The following SLC8B1 variants were observed in gnomAD, a reference collection of about 807,000 sequenced individuals.
SLC8B1 encodes the protein mitochondrial sodium/calcium exchanger protein.
SLC8B1 carries 52 observed loss-of-function variants against 63.4 expected under a neutral mutation model. The observed-to-expected ratio is 0.82, with a 90% CI of 0.66 to 1.03. The LOEUF (loss-of-function observed/expected upper bound fraction) is 1.03, where lower values mean the gene tolerates loss of function less well. SLC8B1 is among the 50% of genes least tolerant of loss of function. The pLI, the probability that SLC8B1 is intolerant of heterozygous loss-of-function variation, is 0.00. For missense variants in SLC8B1, 657 were observed against 741.7 expected (o/e 0.89, Z 1.33); for synonymous variants, 336 against 323.9 (o/e 1.04, Z -0.40).
At chr12:113,303,009 GC>G (rs1566222234) in intron 15 of SLC8B1, among the ~76,000 whole-genome samples, 1 of 148,350 alleles carries the variant, frequency 6.7e-6, no homozygotes, top group African/African-American at 2.5e-5. Flanking sequence ...AGACACACGC[GC>G]ACACACACAC....
chr12:113,332,547 G>C lies in SLC8B1; in HGVS notation c.156+176C>G, dbSNP rs574154866. Reference sequence around the variant, plus strand: ...CCCAAAGTGTATAAGTTTACTTCTTGATCTGTCTGTTCAGGAGACTGTCAG... The same window carrying C: ...CCCAAAGTGTATAAGTTTACTTCTTCATCTGTCTGTTCAGGAGACTGTCAG... On this transcript the variant is annotated intron_variant, in intron 2 of 15. Transcript: ENST00000680972. Among the ~76,000 whole-genome samples, 618 of 152,302 alleles carry C rather than the reference G, an allele frequency of 4.1e-3. 4 individuals are homozygous for C. The highest frequency in any genetic ancestry group is 0.014 in the African/African-American group (579 of 41,556).
chr12:113,303,084 AC>A (rs1390823585), intron 15 of SLC8B1, among the ~76,000 whole-genome samples: 3 of 149,118 alleles, frequency 2.0e-5, no homozygotes, highest in East Asian at 2.0e-4. Context: ...ACACACACAC[AC>A]ACTTCCTAAA....
intron 11 of SLC8B1, among the ~76,000 whole-genome samples, chr12:113,312,928 C>T (rs1215546045): frequency 6.6e-6 from 1 of 151,692 alleles, no homozygotes; most frequent in Non-Finnish European, 1.5e-5. Context: ...TATTTTGAGA[C>T]AGAGTCTCAC....
At position 113,332,810 on chromosome 12, in the gene SLC8B1, T is replaced by C. The variant is rs1430932528; in HGVS notation, c.69A>G (p.Thr23=). 1.2e-6 allele frequency: 2 copies of C among 1,614,224 alleles called. No individual in the cohort carries two copies. The highest frequency in any genetic ancestry group is 8.5e-7 in the Non-Finnish European group (1 of 1,180,042). ...SVLCVLLMAE[T]VSGTRGSSTG... is the part of the protein sequence containing the mutation. ...TAGACGAGCCCCTAGTCCCAGACAC[T>C]GTCTCCGCCATTAGCAGCACACAAA... Residue 23 remains threonine, a synonymous_variant, in exon 2 of 16, where the codon ACA becomes ACG. Coordinates refer to ENST00000680972, the MANE Select transcript of SLC8B1 (RefSeq NM_001358345.2).
In SLC8B1 at chr12:113,310,332, GGCC is replaced by G; in HGVS notation, c.1156_1158del (p.Gly386del). The G allele has an allele frequency of 6.2e-7, 1 of 1,613,970 alleles. No individual in the cohort carries two copies. Among genetic ancestry groups the G allele is most frequent in the Non-Finnish European group, 8.5e-7 (1 of 1,179,978 alleles). On this transcript the variant is annotated inframe_deletion, in exon 12 of 16. Transcript: ENST00000680972. ...ACCACCACGACCCAGACGGGAACGAGGCCGCCTATCTCATAGACACCATCTGCA... is the reference window on the plus strand; with the variant it reads ...ACCACCACGACCCAGACGGGAACGAGGCCTATCTCATAGACACCATCTGCA...
chr12:113,304,457 C>T (rs1956645306), intron 14 of SLC8B1, 72 bp from the exon 15 acceptor site: 1 of 1,394,640 alleles, frequency 7.2e-7, no homozygotes. Flanking sequence ...GTTCCTCCTA[C>T]TGTGTTCATC....
chr12:113,333,278 T>TG (rs201006939), intron 1 of SLC8B1, among the ~76,000 whole-genome samples: 1 of 144,578 alleles, frequency 6.9e-6, no homozygotes, highest in Admixed American at 6.7e-5. Flanking sequence ...CTCAGGCTTC[T>TG]GGGGCAGGTG....
At position 113,316,529 on chromosome 12, in the gene SLC8B1, G is replaced by T; in HGVS notation, c.990C>A (p.Phe330Leu). The part of the protein sequence containing the change: ...KSAYWKALKV[F>L]KLPVEFLLLL... ...CCTGGCTCCAGGACCCTCCTACCTT[G>T]AACACCTTGAGGGCTTTCCAGTATG... is the stretch of plus-strand genomic sequence containing the variant. The change falls in exon 10 of 16, where the codon TTC (phenylalanine) becomes TTA (leucine). Residue 330 changes from phenylalanine (F) to leucine (L), a missense_variant. Phe to Leu is a conservative substitution (Grantham distance 22, BLOSUM62 0). Coordinates refer to ENST00000680972, the MANE Select transcript of SLC8B1 (RefSeq NM_001358345.2). 6.2e-7 allele frequency: 1 copy of T among 1,613,892 alleles called. No homozygotes were observed. The highest frequency in any genetic ancestry group is 8.5e-7 in the Non-Finnish European group (1 of 1,179,834).
intron 11 of SLC8B1, 49 bp from the exon 12 acceptor site, chr12:113,310,404 C>T: frequency 6.3e-7 from 1 of 1,591,138 alleles, no homozygotes; most frequent in Non-Finnish European, 8.6e-7. Flanking sequence ...ACCTCAACAC[C>T]CACTTACAAT....
At chr12:113,331,167 G>A (rs1957049575) in intron 2 of SLC8B1, among the ~76,000 whole-genome samples, 2 of 151,972 alleles carry the variant, frequency 1.3e-5, no homozygotes, top group Admixed American at 1.3e-4. Flanking sequence ...CTGGGAGAAA[G>A]AGAGAGGGTG....
In SLC8B1 at chr12:113,320,466, C is replaced by T. The variant is rs536427747; in HGVS notation, c.559G>A (p.Gly187Arg). The T allele has an allele frequency of 3.7e-6, 6 of 1,614,110 alleles. No individual in the cohort carries two copies. Among genetic ancestry groups the T allele is most frequent in the Non-Finnish European group, 4.2e-6 (5 of 1,180,008 alleles). The change falls in exon 7 of 16, where the codon GGA becomes AGA. Residue 187 changes from glycine (G) to arginine (R), a missense_variant. Transcript: ENST00000680972. The surrounding 1 kb of genome is among the most constrained non-coding windows in gnomAD (Gnocchi z 5.3). ...AGVLVTTVVA[G>R]GITILHPFMA... ...AAGGGGTGTAGGATGGTAATGCCTC[C>T]GGCCACCACTGTGGTAACCAGCACG...
intron 12 of SLC8B1, chr12:113,308,552 G>GCTCTCTGT (rs1956710217): frequency 6.6e-6 from 1 of 151,618 alleles, no homozygotes; most frequent in South Asian, 2.1e-4. Flanking sequence ...CCACTACTCT[G>GCTCTCTGT]CTCTCTGTCT....
At chr12:113,327,979 CAA>C (rs76685425) in intron 2 of SLC8B1, among the ~76,000 whole-genome samples, 29 of 86,630 alleles carry the variant, frequency 3.3e-4, no homozygotes, top group Admixed American at 5.4e-4. Flanking sequence ...ACTACGTCTC[CAA>C]AAAAAAAAAA....
intron 15 of SLC8B1, among the ~76,000 whole-genome samples, chr12:113,302,936 C>T (rs764580633): frequency 1.3e-4 from 20 of 152,130 alleles, no homozygotes; most frequent in Non-Finnish European, 2.4e-4. Flanking sequence ...GGACATCCTT[C>T]CATGTTGATG....
chr12:113,319,126 A>C, intron 7 of SLC8B1, 55 bp from the exon 8 acceptor site: 1 of 1,372,102 alleles, frequency 7.3e-7, no homozygotes, highest in Non-Finnish European at 1.0e-6. Flanking sequence ...GGTCTAGAGA[A>C]CAACAGCTGG....
chr12:113,332,852 G>C lies in SLC8B1; in HGVS notation c.27C>G (p.Arg9=). The change falls in exon 2 of 16, where the codon CGC becomes CGG. Residue 9 remains arginine, a synonymous_variant. Transcript: ENST00000680972. ...GCACACAAAGCACACTCAGTGCCCA[G>C]CGCAGATTCAGCCTTCTGCCGGCCA... MAGRRLNL[R]WALSVLCVLL... is the part of the protein sequence containing the mutation. 1 of 1,614,156 alleles carries C rather than the reference G, an allele frequency of 6.2e-7. No individual in the cohort carries two copies. The highest frequency in any genetic ancestry group is 8.5e-7 in the Non-Finnish European group (1 of 1,180,028).
intron 15 of SLC8B1, among the ~76,000 whole-genome samples, 169 bp from the exon 16 acceptor site, chr12:113,300,143 TCAA>T (rs549247835): frequency 1.3e-5 from 2 of 148,414 alleles, no homozygotes; most frequent in Non-Finnish European, 3.0e-5. Context: ...CAATCCAGCC[TCAA>T]CAACAATGCA....
chr12:113,310,303 G>A lies in SLC8B1; in HGVS notation c.1188C>T (p.Ile396=), dbSNP rs138371135. 36 of 1,614,066 alleles carry A rather than the reference G, an allele frequency of 2.2e-5. No homozygotes were observed. Among genetic ancestry groups the A allele is most frequent in the Admixed American group, 1.8e-4 (11 of 59,990 alleles). The change falls in exon 12 of 16, where the codon ATC becomes ATT. Residue 396 remains isoleucine, a synonymous_variant. Transcript: ENST00000680972. ...GLVPVWVVVV[I]AGTALASVTF... ...TCACTGAAGCCAAGGCTGTGCCTGCGATCACCACCACGACCCAGACGGGAA... is the reference window on the plus strand; with the variant it reads ...TCACTGAAGCCAAGGCTGTGCCTGCAATCACCACCACGACCCAGACGGGAA...
intron 11 of SLC8B1, among the ~76,000 whole-genome samples, chr12:113,313,935 T>C (rs566174714): frequency 3.3e-5 from 5 of 152,144 alleles, no homozygotes; most frequent in African/African-American, 1.2e-4. Context: ...ACTTGAGCCC[T>C]GGAGGCAGAG....
Sources: allele counts gnomAD v4.1 joint callset (sites outside exome capture counted in the v4.1 genomes callset), GRCh38; gene constraint gnomAD v4.1.1; non-coding constraint Gnocchi (gnomAD v3.1); transcripts MANE v1.5; gene names NCBI Gene and HGNC (gene_info 2026-07-23, HGNC 2026-07-21).